PIK3R3: variants seen among roughly 807,000 people sequenced by gnomAD.
The protein encoded by PIK3R3 is phosphoinositide-3-kinase regulatory subunit 3, also known as phosphatidylinositol 3-kinase regulatory subunit gamma.
In PIK3R3, 64 loss-of-function variants were observed where a neutral mutation model predicts 62.9. The observed-to-expected ratio is 1.02, with a 90% CI of 0.83 to 1.25. The LOEUF (loss-of-function observed/expected upper bound fraction) is 1.25. Among genes scored for constraint, PIK3R3 ranks in the 50% most tolerant of loss-of-function variants. The pLI is 0.00. For missense variants in PIK3R3, 614 were observed against 561.6 expected, an observed-to-expected ratio of 1.09 and a Z score of -0.94; for synonymous variants, 165 against 189.0, an observed-to-expected ratio of 0.87 and a Z score of 1.04.
At chr1:46,107,159 C>T (rs145960918) in intron 1 of PIK3R3, among the ~76,000 whole-genome samples, 16 of 152,048 alleles carry the variant, frequency 1.1e-4, no homozygotes, top group African/African-American at 3.6e-4. Context: ...AATTCCAGAC[C>T]GGCCTGGCCA....
Position 46,132,363 on chromosome 1 carries a change from G to A in PIK3R3, c.-411C>T. The A allele has an allele frequency of 8.9e-7, 1 of 1,120,790 alleles. No individual in the cohort carries two copies. The highest frequency in any genetic ancestry group is 1.1e-6 in the Non-Finnish European group (1 of 908,294). 69.4% of individuals were successfully genotyped at this position (1,120,790 alleles called of 1,614,324 possible). The stretch of plus-strand genomic sequence containing the variant: ...GAATGAAGAGGAAAAAAAAGAACAC[G>A]TTGGGAGAAACCCGGGCAAGTGACA... On this transcript the variant is annotated 5_prime_UTR_variant, in exon 1 of 10. In the 5' UTR this introduces an upstream ATG that the reference lacks. Transcript: ENST00000262741.
At chr1:46,170,470 G>C in the PIK3R3 span, among the ~76,000 whole-genome samples, 1 of 152,168 alleles carries the variant, frequency 6.6e-6, no homozygotes. Flanking sequence ...CCCCAGGCTG[G>C]AGTGCAATGG....
intron 1 of PIK3R3, among the ~76,000 whole-genome samples, chr1:46,097,691 C>G (rs1652269349): frequency 6.6e-6 from 1 of 151,898 alleles, no homozygotes; most frequent in South Asian, 2.1e-4. Context: ...AGTTCAAGAC[C>G]AGCCTGGCCA....
chr1:46,090,386 C>A (rs1651509793), intron 1 of PIK3R3, among the ~76,000 whole-genome samples: 2 of 152,092 alleles, frequency 1.3e-5, no homozygotes, highest in East Asian at 3.9e-4. Context: ...GGATGGAGTG[C>A]GGTGGCGCAA....
the PIK3R3 span, among the ~76,000 whole-genome samples, chr1:46,143,986 CT>C: frequency 6.6e-6 from 1 of 152,186 alleles, no homozygotes; most frequent in South Asian, 2.1e-4. Flanking sequence ...GTAGTGGATA[CT>C]TTTTAGTACC....
At chr1:46,054,397 C>CAAAAAAAAA in intron 7 of PIK3R3, among the ~76,000 whole-genome samples, 1 of 80,048 alleles carries the variant, frequency 1.2e-5, no homozygotes, top group Non-Finnish European at 2.3e-5. Flanking sequence ...CTCCGCCTCA[C>CAAAAAAAAA]AAAAAAAAAA....
At chr1:46,091,467 A>AACAC (rs1239827633) in intron 1 of PIK3R3, among the ~76,000 whole-genome samples, 20 of 111,586 alleles carry the variant, frequency 1.8e-4, no homozygotes, top group Non-Finnish European at 2.7e-4. Context: ...AATGGTTATA[A>AACAC]ACACACACAC....
intron 1 of PIK3R3, among the ~76,000 whole-genome samples, chr1:46,115,628 A>C (rs1654118264): frequency 6.6e-6 from 1 of 152,228 alleles, no homozygotes; most frequent in Non-Finnish European, 1.5e-5. Context: ...CAGCTCTTAT[A>C]TAGTTTATGA....
the PIK3R3 span, among the ~76,000 whole-genome samples, chr1:46,171,367 GT>G: frequency 6.6e-6 from 1 of 152,216 alleles, no homozygotes; most frequent in Non-Finnish European, 1.5e-5. Context: ...GGGAGAGAAA[GT>G]TTTGTGGGAG....
At chr1:46,118,319 A>G (rs978445101) in intron 1 of PIK3R3, among the ~76,000 whole-genome samples, 75 of 71,964 alleles carry the variant, frequency 1.0e-3, no homozygotes, top group Non-Finnish European at 3.9e-4. Flanking sequence ...CCAAGCCACC[A>G]TCATCCCCTC....
At chr1:46,165,110 C>T in the PIK3R3 span, among the ~76,000 whole-genome samples, 1 of 152,036 alleles carries the variant, frequency 6.6e-6, no homozygotes, top group Non-Finnish European at 1.5e-5. Context: ...TTCCCCCAGA[C>T]CAGCTCCTAC....
At chr1:46,155,739 G>A in the PIK3R3 span, among the ~76,000 whole-genome samples, 1 of 152,124 alleles carries the variant, frequency 6.6e-6, no homozygotes. Flanking sequence ...TGAGATTACA[G>A]GTGTGAGCCA....
chr1:46,094,000 T>C (rs900066207), intron 1 of PIK3R3, among the ~76,000 whole-genome samples: 2 of 150,506 alleles, frequency 1.3e-5, no homozygotes, highest in African/African-American at 4.9e-5. Context: ...GCCCAGGATG[T>C]CGAGGCTACA....
At chr1:46,095,366 AAACT>A (rs75803325) in intron 1 of PIK3R3, among the ~76,000 whole-genome samples, 69,296 of 151,626 alleles carry the variant, frequency 0.46, 15,927 homozygotes, top group East Asian at 0.61. Flanking sequence ...TATCCTCAGC[AAACT>A]AACTTTGAGA....
upstream of PIK3R3, among the ~76,000 whole-genome samples, chr1:46,134,155 G>T (rs538325307): frequency 4.6e-5 from 7 of 152,252 alleles, no homozygotes; most frequent in South Asian, 1.5e-3. Flanking sequence ...CTTTACACAG[G>T]AGTAACAAAG....
intron 6 of PIK3R3, chr1:46,056,654 A>C (rs4388641): frequency 0.2 from 31,063 of 152,176 alleles, 3,644 homozygotes; most frequent in Non-Finnish European, 0.26. Context: ...CTTTCCACAC[A>C]AATTGCTAAA....
chr1:46,083,463 A>T (rs977372234), intron 1 of PIK3R3, among the ~76,000 whole-genome samples: 1 of 152,238 alleles, frequency 6.6e-6, no homozygotes, highest in Non-Finnish European at 1.5e-5. Flanking sequence ...GACAACCTAT[A>T]GCATGGGAGA....
At chr1:46,086,901 A>T (rs1571452343) in intron 1 of PIK3R3, among the ~76,000 whole-genome samples, 1 of 152,180 alleles carries the variant, frequency 6.6e-6, no homozygotes, top group Non-Finnish European at 1.5e-5. Flanking sequence ...TCCACCCTAG[A>T]TAAAGGCTGC....
chr1:46,092,755 C>A (rs1195171887), intron 1 of PIK3R3, among the ~76,000 whole-genome samples: 3 of 152,134 alleles, frequency 2.0e-5, no homozygotes, highest in Non-Finnish European at 4.4e-5. Flanking sequence ...ACTGTTCTTT[C>A]ACCTCAGTAA....
Sources: allele counts gnomAD v4.1 joint callset (sites outside exome capture counted in the v4.1 genomes callset), GRCh38; gene constraint gnomAD v4.1.1; transcripts MANE v1.5; gene names NCBI Gene and HGNC (gene_info 2026-07-23, HGNC 2026-07-21).